TNIK: variants seen among roughly 807,000 people sequenced by gnomAD.
TNIK encodes TRAF2 and NCK interacting kinase.
In TNIK, 49 loss-of-function variants were observed where a neutral mutation model predicts 191.3. The ratio of observed to expected loss-of-function variants is 0.26; its 90% confidence interval spans 0.20 to 0.32. TNIK has a LOEUF of 0.32. Among genes scored for constraint, TNIK ranks in the 10% least tolerant of loss-of-function variants. TNIK has a pLI of 1.00. For missense variants in TNIK, 1,155 were observed against 1,702.3 expected, an observed-to-expected ratio of 0.68 and a Z score of 5.66; for synonymous variants, 594 against 600.9, an observed-to-expected ratio of 0.99 and a Z score of 0.17.
intron 2 of TNIK, among the ~76,000 whole-genome samples, chr3:171,235,946 TA>T (rs1215223721): frequency 6.6e-6 from 1 of 152,118 alleles, no homozygotes; most frequent in Non-Finnish European, 1.5e-5. Flanking sequence ...CTTAATAACT[TA>T]AAATAGCCTG....
intron 1 of TNIK, among the ~76,000 whole-genome samples, chr3:171,453,786 GA>G (rs1378993394): frequency 6.6e-6 from 1 of 152,086 alleles, no homozygotes; most frequent in African/African-American, 2.4e-5. Context: ...ATTAAGGGAA[GA>G]ATTTTAAGTT....
intron 3 of TNIK, among the ~76,000 whole-genome samples, chr3:171,222,335 G>A (rs1225664440): frequency 2.0e-5 from 3 of 152,036 alleles, no homozygotes; most frequent in Non-Finnish European, 4.4e-5. Flanking sequence ...CAATTCCTTT[G>A]TAAAATAGAT....
chr3:171,260,108 C>A (rs1300564268), intron 2 of TNIK, among the ~76,000 whole-genome samples: 1 of 152,098 alleles, frequency 6.6e-6, no homozygotes, highest in East Asian at 1.9e-4. Context: ...CATCCTCCAC[C>A]ATGCCCCAGG....
intron 9 of TNIK, among the ~76,000 whole-genome samples, chr3:171,172,389 AGG>A: frequency 6.6e-6 from 1 of 152,286 alleles, no homozygotes; most frequent in Admixed American, 6.5e-5. Flanking sequence ...TGGTCGGGGG[AGG>A]GAGTCTTTTC....
At chr3:171,414,467 C>T (rs1198187714) in intron 1 of TNIK, among the ~76,000 whole-genome samples, 1 of 152,204 alleles carries the variant, frequency 6.6e-6, no homozygotes, top group Admixed American at 6.5e-5. Flanking sequence ...GATAATAATA[C>T]CTTAGACCTG....
intron 1 of TNIK, among the ~76,000 whole-genome samples, chr3:171,450,473 GA>G (rs1261766683): frequency 1.3e-5 from 2 of 152,136 alleles, no homozygotes; most frequent in African/African-American, 4.8e-5. Flanking sequence ...GGTATAACGG[GA>G]CCCAGCACTG....
chr3:171,339,842 T>C (rs554574062), intron 2 of TNIK, among the ~76,000 whole-genome samples: 4 of 152,312 alleles, frequency 2.6e-5, no homozygotes, highest in Non-Finnish European at 4.4e-5. Context: ...CAAGGTGTGT[T>C]TGTTGGCATA....
At chr3:171,376,758 A>AGATAGATAGATAGAT (rs1452260705) in intron 1 of TNIK, among the ~76,000 whole-genome samples, 1 of 151,530 alleles carries the variant, frequency 6.6e-6, no homozygotes, top group African/African-American at 2.4e-5. Context: ...ATAGATAGAT[A>AGATAGATAGATAGAT]GATAGATAGA....
chr3:171,391,052 A>T (rs1220217927), intron 1 of TNIK, among the ~76,000 whole-genome samples: 1 of 152,188 alleles, frequency 6.6e-6, no homozygotes, highest in Admixed American at 6.5e-5. Context: ...GACTTGCCTG[A>T]GTGATCTGAG....
intron 21 of TNIK, among the ~76,000 whole-genome samples, chr3:171,106,011 C>T (rs957118872): frequency 1.3e-5 from 2 of 152,218 alleles, no homozygotes; most frequent in Non-Finnish European, 2.9e-5. Flanking sequence ...ACACCGCAAA[C>T]ATGCGGAGTC....
chr3:171,144,631 G>T (rs1293263648), intron 12 of TNIK, among the ~76,000 whole-genome samples: 3 of 152,130 alleles, frequency 2.0e-5, no homozygotes, highest in African/African-American at 7.2e-5. Context: ...TGTGACGAGA[G>T]TATTCAAAAA....
chr3:171,084,936 T>A (rs367730864), intron 25 of TNIK, among the ~76,000 whole-genome samples, 182 bp downstream of exon 25: 3 of 152,012 alleles, frequency 2.0e-5, no homozygotes, highest in Admixed American at 6.6e-5. Flanking sequence ...GGAAAAAAAA[T>A]GGAAAGTAAT....
In TNIK at chr3:171,300,383, T is replaced by C. The variant is rs147007966; in HGVS notation, c.123+69237A>G. Among the ~76,000 whole-genome samples the C allele has an allele frequency of 9.8e-5, 15 of 152,306 alleles. No homozygotes were observed. The East Asian group carries it at 2.7e-3, about 27-fold the overall frequency. ...ATCCTACTGAGAGTGAGAATCATCA[T>C]GACATATCTTGAAGGTTGTAAGGAA... is the stretch of plus-strand genomic sequence containing the variant. On this transcript the variant is annotated intron_variant, in intron 2 of 32. Coordinates refer to ENST00000436636, the MANE Select transcript of TNIK (RefSeq NM_015028.4).
rs188840390 is a variant in TNIK at position 171,313,829 on chromosome 3, A to C, written c.123+55791T>G. On this transcript the variant is annotated intron_variant, in intron 2 of 32. Coordinates refer to ENST00000436636, the MANE Select transcript of TNIK (RefSeq NM_015028.4). ...AGTGCTAAATGAATGACTTAAAGAC[A>C]CATCTTTCCTCTTTGTTTTGTGCCA... 3.3e-5 allele frequency among the ~76,000 whole-genome samples: 5 copies of C among 152,262 alleles called. No individual in the cohort carries two copies. The East Asian group carries it at 9.7e-4, about 29-fold the overall frequency.
Position 171,065,596 on chromosome 3 carries a change from G to T in TNIK, c.3999+591C>A, listed in dbSNP as rs559798738. ...TACTGCTGCAGAATACCCCTCTGAG[G>T]TCACTGATCATGCCAGACGGACACA... On this transcript the variant is annotated intron_variant, in intron 32 of 32. Transcript: ENST00000436636. 2.6e-5 allele frequency among the ~76,000 whole-genome samples: 4 copies of T among 152,290 alleles called. No individual in the cohort carries two copies. The South Asian group carries it at 8.3e-4, about 32-fold the overall frequency.
chr3:171,087,492 C>G lies in TNIK; in HGVS notation c.2736G>C (p.Lys912Asn). Residue 912 changes from lysine (K) to asparagine (N), a missense_variant, in exon 24 of 33, where the codon AAG becomes AAC. By Grantham distance (94) the Lys-to-Asn change is moderately conservative (BLOSUM62 0). Coordinates refer to ENST00000436636, the MANE Select transcript of TNIK (RefSeq NM_015028.4). ...TLMIRETSGE[K>N]KRSGHSDSNG... ...TGCTGTCACTGTGGCCAGATCGCTT[C>G]TTCTCTCCAGACGTCTGAGGGAGCA... 5 of 1,613,804 alleles carry G rather than the reference C, an allele frequency of 3.1e-6. No individual in the cohort carries two copies. Among genetic ancestry groups the G allele is most frequent in the Non-Finnish European group, 4.2e-6 (5 of 1,179,858 alleles).
At chr3:171,069,290 C>T (rs1718883653) in intron 29 of TNIK, among the ~76,000 whole-genome samples, 1 of 152,126 alleles carries the variant, frequency 6.6e-6, no homozygotes, top group Non-Finnish European at 1.5e-5. Context: ...CTGGGTATTG[C>T]TGTTTTTTCC....
intron 11 of TNIK, among the ~76,000 whole-genome samples, chr3:171,160,442 C>T (rs1733843680): frequency 6.6e-6 from 1 of 151,762 alleles, no homozygotes; most frequent in Non-Finnish European, 1.5e-5. Flanking sequence ...TTAGGGTCCA[C>T]TCCTTGGATG....
rs1027694064 is a variant in TNIK at position 171,110,704 on chromosome 3, A to G, written c.2284+10T>C. On this transcript the variant is annotated intron_variant, in intron 19 of 32. Transcript: ENST00000436636. ...CAGTATTGCCAGGTAAAGGTAAGAG[A>G]AAGTTTTACCTCGAACTCTGGTGCG... 3.8e-6 allele frequency: 6 copies of G among 1,577,920 alleles called. No homozygotes were observed. The highest frequency in any genetic ancestry group is 3.4e-6 in the Non-Finnish European group (4 of 1,161,070).
Sources: allele counts gnomAD v4.1 joint callset (sites outside exome capture counted in the v4.1 genomes callset), GRCh38; gene constraint gnomAD v4.1.1; transcripts MANE v1.5; gene names NCBI Gene and HGNC (gene_info 2026-07-23, HGNC 2026-07-21).